Variants in PRP4K observed in about 807,000 individuals in gnomAD.
The protein encoded by PRP4K is serine/threonine-protein kinase PRP4 homolog.
chr6:4,021,836 T>C, the PRP4K span, among the ~76,000 whole-genome samples: 5 of 152,170 alleles, frequency 3.3e-5, no homozygotes, highest in Admixed American at 2.0e-4. Flanking sequence ...GGCATCTGTG[T>C]TGGGGACACG....
chr6:4,034,946 C>T, the PRP4K span, among the ~76,000 whole-genome samples: 13 of 152,056 alleles, frequency 8.5e-5, no homozygotes, highest in African/African-American at 2.4e-4. Flanking sequence ...CTTCTGACCT[C>T]GTGATCCGCC....
the PRP4K span, among the ~76,000 whole-genome samples, chr6:4,035,529 TCAAGAAGTAAGCACTAC>T: frequency 8.5e-5 from 13 of 152,174 alleles, no homozygotes; most frequent in Admixed American, 2.6e-4. Flanking sequence ...GATGGCCCTA[TCAAGAAGTAAGCACTAC>T]CAAGAAGTAA....
chr6:4,052,910 A>G, the PRP4K span: 2 of 1,551,014 alleles, frequency 1.3e-6, no homozygotes. Context: ...TACATCTTGA[A>G]CATACATTTC....
the PRP4K span, among the ~76,000 whole-genome samples, chr6:4,033,414 C>G: frequency 2.2e-4 from 34 of 152,158 alleles, no homozygotes; most frequent in East Asian, 4.6e-3. Context: ...ATTATCTTAA[C>G]TCATGAGGTG....
chr6:4,023,011 T>C, the PRP4K span, among the ~76,000 whole-genome samples: 1 of 152,226 alleles, frequency 6.6e-6, no homozygotes, highest in Non-Finnish European at 1.5e-5. Flanking sequence ...AGGCCTCTGC[T>C]GTATGAGTAA....
chr6:4,041,396 CTACAAAAAA>C, the PRP4K span, among the ~76,000 whole-genome samples: 693 of 152,154 alleles, frequency 4.6e-3, 2 homozygotes, highest in African/African-American at 0.016. Flanking sequence ...TTCCCTGTCT[CTACAAAAAA>C]TACAAAAATT....
chr6:4,057,309 A>C, the PRP4K span: 7 of 958,216 alleles, frequency 7.3e-6, no homozygotes, highest in African/African-American at 8.4e-5. Context: ...GTAGATGGCT[A>C]TCATGATTTC....
At chr6:4,049,252 C>T in the PRP4K span, 2 of 719,366 alleles carry the variant, frequency 2.8e-6, no homozygotes, top group East Asian at 5.7e-5. Flanking sequence ...CCAACAGCTG[C>T]ATGAACTCGT....
At chr6:4,038,103 CAT>C in the PRP4K span, among the ~76,000 whole-genome samples, 7 of 152,054 alleles carry the variant, frequency 4.6e-5, no homozygotes, top group Non-Finnish European at 4.4e-5. Context: ...TAATATAAAA[CAT>C]AAATGGGTAT....
the PRP4K span, among the ~76,000 whole-genome samples, chr6:4,028,481 C>T: frequency 6.6e-6 from 1 of 152,130 alleles, no homozygotes; most frequent in Non-Finnish European, 1.5e-5. Flanking sequence ...TGTGGGCTTA[C>T]AAGTGTGAAC....
At chr6:4,022,352 A>G in the PRP4K span, among the ~76,000 whole-genome samples, 2 of 151,842 alleles carry the variant, frequency 1.3e-5, no homozygotes, top group African/African-American at 4.8e-5. Flanking sequence ...ACCATTGGTT[A>G]ACTTAAAGCA....
the PRP4K span, among the ~76,000 whole-genome samples, chr6:4,045,680 CTT>C: frequency 6.6e-6 from 1 of 152,144 alleles, no homozygotes; most frequent in African/African-American, 2.4e-5. Context: ...TATCTTGAAA[CTT>C]ATACACATTA....
the PRP4K span, chr6:4,057,151 G>A: frequency 6.2e-7 from 1 of 1,613,056 alleles, no homozygotes; most frequent in Non-Finnish European, 8.5e-7. Flanking sequence ...ATATGCTGAA[G>A]CTTGCAATGG....
chr6:4,048,978 A>G, the PRP4K span: 2 of 1,476,852 alleles, frequency 1.4e-6, no homozygotes, highest in Non-Finnish European at 1.9e-6. Flanking sequence ...AATGTCTGAC[A>G]AGTGGGTAAA....
chr6:4,058,117 TCTC>T, the PRP4K span, among the ~76,000 whole-genome samples: 8 of 152,158 alleles, frequency 5.3e-5, no homozygotes, highest in Non-Finnish European at 8.8e-5. Flanking sequence ...CTCAAGCAGT[TCTC>T]CTGCCTCAGT....
chr6:4,028,461 C>T, the PRP4K span, among the ~76,000 whole-genome samples: 5 of 152,162 alleles, frequency 3.3e-5, no homozygotes, highest in African/African-American at 1.2e-4. Flanking sequence ...CCCACTTCAG[C>T]CTCCCAAAGT....
At chr6:4,056,206 ATGTCTT>A in the PRP4K span, 2 of 669,164 alleles carry the variant, frequency 3.0e-6, no homozygotes, top group African/African-American at 3.6e-5. Context: ...TTTTAAATGA[ATGTCTT>A]TGTTCTCAGT....
At chr6:4,061,741 C>A in the PRP4K span, 1 of 152,452 alleles carries the variant, frequency 6.6e-6, no homozygotes, top group African/African-American at 2.4e-5. Flanking sequence ...GTAAATGAAG[C>A]TTTTCTTTAA....
At chr6:4,031,425 T>C in the PRP4K span, 47 of 615,844 alleles carry the variant, frequency 7.6e-5, no homozygotes, top group Non-Finnish European at 1.2e-4. Flanking sequence ...TGTCTGAAGC[T>C]GTTCTGAAAA....
Sources: gnomAD v4.1 joint callset for allele counts (sites outside exome capture counted in the v4.1 genomes callset) on GRCh38, gnomAD v4.1.1 for gene constraint, MANE v1.5 for transcripts, NCBI Gene and HGNC (gene_info 2026-07-23, HGNC 2026-07-21) for gene names.